KCNN3: variants seen among roughly 807,000 people sequenced by gnomAD.
KCNN3 encodes potassium calcium-activated channel subfamily N member 3, also known as small conductance calcium-activated potassium channel protein 3.
Under a neutral mutation model 62.9 loss-of-function variants are expected in KCNN3, and 16 were observed. The observed-to-expected ratio is 0.25, with a 90% CI of 0.17 to 0.39. KCNN3 has a LOEUF of 0.39. Ranked by LOEUF, KCNN3 falls within the 10% of genes least tolerant of loss-of-function variation. The probability of loss-of-function intolerance (pLI) is 1.00; values close to 1 mark genes in which losing one functional copy is unlikely to be tolerated. For synonymous variants in KCNN3, 370 were observed against 389.2 expected (o/e 0.95, Z 0.58); for missense variants, 599 against 949.4 (o/e 0.63, Z 4.85).
At chr1:154,843,375 C>T (rs1205370779) in intron 1 of KCNN3, among the ~76,000 whole-genome samples, 2 of 152,148 alleles carry the variant, frequency 1.3e-5, no homozygotes, top group Admixed American at 1.3e-4. Context: ...CTTGAGAGCC[C>T]ACATCCCCGG....
At chr1:154,781,928 C>A (rs1056591723) in intron 2 of KCNN3, among the ~76,000 whole-genome samples, 3 of 152,034 alleles carry the variant, frequency 2.0e-5, no homozygotes, top group Non-Finnish European at 4.4e-5. Flanking sequence ...TAAGACAGGG[C>A]AAAGGAAATG....
chr1:154,741,011 T>A (rs557156732), intron 3 of KCNN3, among the ~76,000 whole-genome samples: 4 of 152,350 alleles, frequency 2.6e-5, no homozygotes, highest in Non-Finnish European at 4.4e-5. Flanking sequence ...CTTTAATTTA[T>A]AATTAGCAGT....
chr1:154,721,141 G>T (rs1408808544), intron 5 of KCNN3, among the ~76,000 whole-genome samples: 1 of 152,148 alleles, frequency 6.6e-6, no homozygotes, highest in Non-Finnish European at 1.5e-5. Context: ...GCAGCAAGAA[G>T]GAGATAGGAT....
intron 1 of KCNN3, among the ~76,000 whole-genome samples, chr1:154,839,451 A>C (rs1415004446): frequency 2.0e-5 from 3 of 152,190 alleles, no homozygotes; most frequent in Non-Finnish European, 4.4e-5. Flanking sequence ...CCTGATTTAC[A>C]TCCCCTAAGC....
At chr1:154,830,405 A>G (rs1418575919) in intron 1 of KCNN3, among the ~76,000 whole-genome samples, 1 of 152,182 alleles carries the variant, frequency 6.6e-6, no homozygotes, top group Non-Finnish European at 1.5e-5. Flanking sequence ...AATTGCCAGA[A>G]CATCACCCTT....
chr1:154,710,060 A>G (rs910078782), intron 7 of KCNN3, among the ~76,000 whole-genome samples: 2 of 152,208 alleles, frequency 1.3e-5, no homozygotes, highest in African/African-American at 4.8e-5. Flanking sequence ...CTCCGATGGT[A>G]GGAATTATTT....
At chr1:154,751,112 C>T (rs574337180) in intron 3 of KCNN3, among the ~76,000 whole-genome samples, 2 of 152,304 alleles carry the variant, frequency 1.3e-5, no homozygotes, top group East Asian at 3.9e-4. Flanking sequence ...TGTGTGAGCT[C>T]GGCAGAGTCC....
In KCNN3 at chr1:154,707,748, T is replaced by A. The variant is rs1699992677; in HGVS notation, c.*228A>T. The A allele has an allele frequency of 3.7e-6, 2 of 535,638 alleles. No individual in the cohort carries two copies. Among genetic ancestry groups the A allele is most frequent in the Non-Finnish European group, 6.5e-6 (2 of 308,470 alleles). The allele number at this position is 535,638 out of a possible 1,614,324, so 33.2% of individuals were successfully genotyped here. Reference sequence around the variant, plus strand: ...GCCCTGCCAGAGGCGTCGCTTCCTGTCATCTCCTCTTCCCGCTCCCAAGTA... The same window carrying A: ...GCCCTGCCAGAGGCGTCGCTTCCTGACATCTCCTCTTCCCGCTCCCAAGTA... On this transcript the variant is annotated 3_prime_UTR_variant, in exon 8 of 8. Transcript: ENST00000271915.
At chr1:154,864,950 C>G (rs1013172219) in intron 1 of KCNN3, among the ~76,000 whole-genome samples, 3 of 152,246 alleles carry the variant, frequency 2.0e-5, no homozygotes, top group Non-Finnish European at 4.4e-5. Flanking sequence ...TCCAGCCTCC[C>G]CTGAGAAGAT....
intron 1 of KCNN3, among the ~76,000 whole-genome samples, chr1:154,845,183 C>G (rs142013818): frequency 1.3e-5 from 2 of 152,316 alleles, no homozygotes; most frequent in African/African-American, 4.8e-5. Context: ...TGAGCTCAGA[C>G]AACACCTCAG....
chr1:154,769,916 T>C (rs1648471161), intron 3 of KCNN3, among the ~76,000 whole-genome samples: 1 of 152,334 alleles, frequency 6.6e-6, no homozygotes, highest in African/African-American at 2.4e-5. Flanking sequence ...CAGTACATAG[T>C]GCATATATAC....
chr1:154,756,588 C>A lies in KCNN3; in HGVS notation c.1448+15387G>T, dbSNP rs143666379. On this transcript the variant is annotated intron_variant, in intron 3 of 7. Coordinates refer to ENST00000271915, the MANE Select transcript of KCNN3 (RefSeq NM_002249.6). ...TTCTCATTCTTCTCAGAAGGCTCAC[C>A]CTCTTGGTCTGTGAAGGGCTCATTT... is the stretch of plus-strand genomic sequence containing the variant. 7.7e-3 allele frequency among the ~76,000 whole-genome samples: 1,174 copies of A among 152,198 alleles called. 5 individuals are homozygous for A. The highest frequency in any genetic ancestry group is 0.012 in the Non-Finnish European group (796 of 68,018).
At chr1:154,816,412 CCCAT>C (rs1360819556) in intron 2 of KCNN3, among the ~76,000 whole-genome samples, 1 of 152,204 alleles carries the variant, frequency 6.6e-6, no homozygotes, top group Non-Finnish European at 1.5e-5. Context: ...TGCTCTGTAT[CCCAT>C]CCTGGGTCAC....
chr1:154,721,062 A>G (rs11264251), intron 5 of KCNN3, among the ~76,000 whole-genome samples: 93,276 of 151,910 alleles, frequency 0.61, 28,788 homozygotes, highest in Middle Eastern at 0.76. Flanking sequence ...TGTGGGTTTA[A>G]TTTTGGTCTT....
chr1:154,750,038 G>A (rs1647292699), intron 3 of KCNN3, among the ~76,000 whole-genome samples: 1 of 152,216 alleles, frequency 6.6e-6, no homozygotes, highest in African/African-American at 2.4e-5. Context: ...CTCAGGGGCT[G>A]GTCCGGCCCC....
At chr1:154,849,388 A>G (rs1203244908) in intron 1 of KCNN3, among the ~76,000 whole-genome samples, 2 of 152,248 alleles carry the variant, frequency 1.3e-5, no homozygotes, top group East Asian at 3.8e-4. Flanking sequence ...CAAGGCTATT[A>G]TTCAGTGCTG....
At chr1:154,817,138 G>A (rs1451453519) in intron 2 of KCNN3, among the ~76,000 whole-genome samples, 2 of 152,158 alleles carry the variant, frequency 1.3e-5, no homozygotes, top group South Asian at 2.1e-4. Context: ...CTGGTTCCGG[G>A]TGGGTAGGCA....
At chr1:154,820,583 T>C (rs1206291923) in intron 2 of KCNN3, among the ~76,000 whole-genome samples, 3 of 152,184 alleles carry the variant, frequency 2.0e-5, no homozygotes, top group African/African-American at 7.2e-5. Context: ...GAGCCCAGAC[T>C]GTCAACTTCT....
rs752104628 is a variant in KCNN3, at chr1:154,708,291, G to C, written c.1900-19C>G. ...TCTGCATCTGTGTGGAGAGAGAGAG[G>C]CGAGAGACAGGGAGATGACAGGTCA... On this transcript the variant is annotated intron_variant, in intron 7 of 7. Coordinates refer to ENST00000271915, the MANE Select transcript of KCNN3 (RefSeq NM_002249.6). 6.2e-7 allele frequency: 1 copy of C among 1,611,312 alleles called. No individual in the cohort carries two copies. Among genetic ancestry groups the C allele is most frequent in the South Asian group, 1.1e-5 (1 of 90,980 alleles).
Sources: allele counts gnomAD v4.1 joint callset (sites outside exome capture counted in the v4.1 genomes callset), GRCh38; gene constraint gnomAD v4.1.1; transcripts MANE v1.5; gene names NCBI Gene and HGNC (gene_info 2026-07-23, HGNC 2026-07-21).